RBFOX1: variants seen among roughly 807,000 people sequenced by gnomAD.
RBFOX1 encodes RNA binding fox-1 homolog 1.
RBFOX1 carries 8 observed loss-of-function variants against 57.7 expected under a neutral mutation model. That is an observed-to-expected ratio of 0.14 (90% confidence interval 0.08 to 0.25). RBFOX1 has a LOEUF of 0.25. RBFOX1 is among the 10% of genes least tolerant of loss of function. The pLI is 1.00. For missense variants in RBFOX1, 611 were observed against 548.5 expected (o/e 1.11, Z -1.14); for synonymous variants, 326 against 222.4 (o/e 1.47, Z -4.15).
chr16:5,808,090 G>A (rs1240329043), intron 3 of RBFOX1, among the ~76,000 whole-genome samples: 1 of 152,180 alleles, frequency 6.6e-6, no homozygotes, highest in Non-Finnish European at 1.5e-5. Context: ...AAACGCTGAA[G>A]TCCTAGCTCC....
intron 3 of RBFOX1, among the ~76,000 whole-genome samples, chr16:6,698,573 A>G (rs1317516554): frequency 6.6e-6 from 1 of 152,128 alleles, no homozygotes; most frequent in Non-Finnish European, 1.5e-5. Flanking sequence ...ATCATCGTCA[A>G]TTAGTATTTG....
intron 3 of RBFOX1, among the ~76,000 whole-genome samples, chr16:6,816,827 C>G (rs1397243432): frequency 1.3e-5 from 2 of 152,010 alleles, no homozygotes; most frequent in African/African-American, 4.8e-5. Flanking sequence ...TCACTGCAGT[C>G]TCAAACTCCT....
chr16:5,507,338 C>G (rs987549883), intron 2 of RBFOX1, among the ~76,000 whole-genome samples: 9 of 152,102 alleles, frequency 5.9e-5, no homozygotes, highest in Non-Finnish European at 4.4e-5. Flanking sequence ...AAGCAGAATG[C>G]AAGCTCCATG....
intron 1 of RBFOX1, among the ~76,000 whole-genome samples, chr16:5,458,577 A>T (rs1314695038): frequency 6.6e-6 from 1 of 152,240 alleles, no homozygotes; most frequent in African/African-American, 2.4e-5. Flanking sequence ...AGGTTAGGCA[A>T]GGCCTCACAG....
intron 4 of RBFOX1, among the ~76,000 whole-genome samples, chr16:7,111,090 C>T (rs992189681): frequency 1.3e-5 from 2 of 152,158 alleles, no homozygotes; most frequent in Non-Finnish European, 2.9e-5. Context: ...AACTGTGGTT[C>T]ACTATGTCGA....
intron 4 of RBFOX1, among the ~76,000 whole-genome samples, chr16:7,447,916 C>A (rs1353155467): frequency 6.6e-6 from 1 of 152,206 alleles, no homozygotes; most frequent in Non-Finnish European, 1.5e-5. Flanking sequence ...GGCCAACAGG[C>A]ATCTGCGTTA....
At chr16:6,965,355 GTGTGTA>G (rs2083902632) in intron 3 of RBFOX1, among the ~76,000 whole-genome samples, 1 of 93,114 alleles carries the variant, frequency 1.1e-5, no homozygotes, top group East Asian at 3.2e-4. Context: ...GTGTGTGTGT[GTGTGTA>G]TGATGGAGTC....
At chr16:7,534,514 C>T (rs1478249769) in intron 5 of RBFOX1, among the ~76,000 whole-genome samples, 1 of 152,032 alleles carries the variant, frequency 6.6e-6, no homozygotes, top group Non-Finnish European at 1.5e-5. Context: ...GATAACTTCC[C>T]CTGTAGCTAG....
chr16:7,487,637 A>G (rs547588966), intron 4 of RBFOX1, among the ~76,000 whole-genome samples: 4 of 152,250 alleles, frequency 2.6e-5, no homozygotes, highest in African/African-American at 9.6e-5. Context: ...GTTCATATAC[A>G]TATAGAAACA....
chr16:5,923,372 A>T (rs1426270592), intron 4 of RBFOX1, among the ~76,000 whole-genome samples: 1 of 152,032 alleles, frequency 6.6e-6, no homozygotes, highest in Non-Finnish European at 1.5e-5. Flanking sequence ...AGTCAGAGGG[A>T]TGCCAAAGGT....
chr16:6,375,791 T>A (rs1217096848), intron 2 of RBFOX1, among the ~76,000 whole-genome samples: 2 of 152,094 alleles, frequency 1.3e-5, no homozygotes, highest in South Asian at 4.1e-4. Flanking sequence ...ACAAAGGGTA[T>A]CCATGATGAA....
intron 1 of RBFOX1, among the ~76,000 whole-genome samples, chr16:6,148,511 G>A (rs548003531): frequency 6.6e-6 from 1 of 152,202 alleles, no homozygotes; most frequent in East Asian, 1.9e-4. Flanking sequence ...TGAGTCTCAG[G>A]TTGAATCTCA....
chr16:6,989,086 G>A (rs1017025223), intron 3 of RBFOX1, among the ~76,000 whole-genome samples: 2 of 151,964 alleles, frequency 1.3e-5, no homozygotes, highest in African/African-American at 2.4e-5. Context: ...TAGTAGAGAC[G>A]GGATTTCGCC....
intron 3 of RBFOX1, among the ~76,000 whole-genome samples, chr16:5,623,385 G>GAACAA (rs1256170791): frequency 6.6e-6 from 1 of 152,128 alleles, no homozygotes; most frequent in East Asian, 1.9e-4. Flanking sequence ...GTACTGCACT[G>GAACAA]AACAAAACAA....
intron 4 of RBFOX1, among the ~76,000 whole-genome samples, chr16:7,446,295 C>T (rs1329409494): frequency 6.6e-6 from 1 of 152,164 alleles, no homozygotes. Context: ...TTGCTTGTCA[C>T]TTGAGTTTGT....
In RBFOX1 at chr16:5,456,400, C is replaced by T. The variant is rs576280845; in HGVS notation, c.220-10816C>T. Among the ~76,000 whole-genome samples, 41 of 152,204 alleles carry T rather than the reference C, an allele frequency of 2.7e-4. 1 individual carries two copies. The South Asian group carries it at 6.0e-3, about 22-fold the overall frequency. On this transcript the variant is annotated intron_variant, in intron 1 of 2. Transcript: ENST00000585867. ...CACCTCCCATGGGTTACCTTCTTTT[C>T]GGGGAACGGATTTGAAAGGTTGGGT... is the stretch of plus-strand genomic sequence containing the variant.
At chr16:6,354,995 TC>T (rs2087032778) in intron 2 of RBFOX1, among the ~76,000 whole-genome samples, 1 of 152,170 alleles carries the variant, frequency 6.6e-6, no homozygotes, top group African/African-American at 2.4e-5. Context: ...CAGGTTTTCT[TC>T]CTCTGACAGC....
chr16:5,271,656 G>GTGAGGAAC (rs1041159538), intron 1 of RBFOX1, among the ~76,000 whole-genome samples: 12 of 142,368 alleles, frequency 8.4e-5, no homozygotes, highest in Admixed American at 3.5e-4. Flanking sequence ...CTGCTCTACA[G>GTGAGGAAC]TGAGGAACTG....
intron 1 of RBFOX1, among the ~76,000 whole-genome samples, chr16:6,108,260 A>G (rs7197461): frequency 0.64 from 97,836 of 151,946 alleles, 31,764 homozygotes; most frequent in Middle Eastern, 0.72. Context: ...GTAGTGTAGC[A>G]GAGTGGTTAT....
Sources: allele counts gnomAD v4.1 joint callset (sites outside exome capture counted in the v4.1 genomes callset), GRCh38; gene constraint gnomAD v4.1.1; transcripts MANE v1.5; gene names NCBI Gene and HGNC (gene_info 2026-07-23, HGNC 2026-07-21).